Variants in ADAMTS2 observed in about 807,000 individuals in gnomAD.
ADAMTS2 encodes ADAM metallopeptidase with thrombospondin type 1 motif 2, also known as A disintegrin and metalloproteinase with thrombospondin motifs 2.
In ADAMTS2, 50 loss-of-function variants were observed where a neutral mutation model predicts 123.0. The ratio of observed to expected loss-of-function variants is 0.41; its 90% CI spans 0.32 to 0.51. The LOEUF is 0.51. ADAMTS2 is among the 20% of genes least tolerant of loss of function. The pLI, the probability that ADAMTS2 is intolerant of heterozygous loss-of-function variation, is 0.35. For synonymous variants in ADAMTS2, 678 were observed against 695.4 expected (o/e 0.98, Z 0.39); for missense variants, 1,494 against 1,705.2 (o/e 0.88, Z 2.18).
intron 10 of ADAMTS2, among the ~76,000 whole-genome samples, chr5:179,143,887 G>C (rs1003307471): frequency 6.6e-6 from 1 of 152,018 alleles, no homozygotes; most frequent in Non-Finnish European, 1.5e-5. Context: ...AATAATAAAA[G>C]AAGGTACTTT....
In ADAMTS2 at chr5:179,189,139, C is replaced by T. The variant is rs565454405; in HGVS notation, c.892-7984G>A. Reference sequence around the variant, plus strand: ...CTATAAAATGGAGATAATAATAGTCCCTGTGTCTCAGGGTTGTTTCAGGTT... The same window carrying T: ...CTATAAAATGGAGATAATAATAGTCTCTGTGTCTCAGGGTTGTTTCAGGTT... On this transcript the variant is annotated intron_variant, in intron 4 of 21. Transcript: ENST00000251582. The surrounding 1 kb of genome is among the most constrained non-coding windows in gnomAD (Gnocchi z 4.2). 2.0e-5 allele frequency among the ~76,000 whole-genome samples: 3 copies of T among 152,200 alleles called. No homozygotes were observed. The East Asian group carries it at 5.8e-4, about 29-fold the overall frequency.
At chr5:179,259,161 C>T (rs1004161606) in intron 3 of ADAMTS2, among the ~76,000 whole-genome samples, 3 of 152,154 alleles carry the variant, frequency 2.0e-5, no homozygotes, top group African/African-American at 7.2e-5. Flanking sequence ...CACCCTGCCC[C>T]TCCTGCCACA....
At position 179,272,905 on chromosome 5, in the gene ADAMTS2, C is replaced by A. The variant is rs1251214280; in HGVS notation, c.688+6G>T. The A allele has an allele frequency of 6.2e-7, 1 of 1,608,190 alleles. No individual in the cohort carries two copies. On this transcript the variant is annotated splice_donor_region_variant and intron_variant, in intron 3 of 21. Coordinates refer to ENST00000251582, the MANE Select transcript of ADAMTS2 (RefSeq NM_014244.5). This position sits in a 1 kb window ranked among gnomAD's most constrained non-coding sequence, Gnocchi z 5.8. ...CACACAGCCTGCCCACCTGCAGTAG[C>A]CTCACCTGTGTCCAGGGCCTGTGGC...
intron 2 of ADAMTS2, among the ~76,000 whole-genome samples, chr5:179,329,936 C>A (rs1387258211): frequency 6.6e-6 from 1 of 151,660 alleles, no homozygotes; most frequent in East Asian, 1.9e-4. Context: ...ACCATCCTGG[C>A]TAACAAGGTG....
rs773172744 is a variant in ADAMTS2, at chr5:179,132,803, G to A, written c.2183C>T (p.Thr728Met). The stretch of plus-strand genomic sequence containing the variant: ...ATGCTTCTTGGGTGACCGTGTGAAC[G>A]TGCCCTTGACCACTTTGCAGTGGCT... ...DNSHCKVVKG[T>M]FTRSPKKHGY... The change falls in exon 14 of 22, where the codon ACG becomes ATG. Residue 728 changes from threonine (T) to methionine (M), a missense_variant. This residue lies in a region of ADAMTS2 where 953 missense variants were observed against 1,124.7 expected (regional missense o/e 0.85). Transcript: ENST00000251582. This position sits in a 1 kb window ranked among gnomAD's most constrained non-coding sequence, Gnocchi z 6.1. 35 of 1,613,970 alleles carry A rather than the reference G, an allele frequency of 2.2e-5. No homozygotes were observed. The highest frequency in any genetic ancestry group is 5.3e-5 in the African/African-American group (4 of 74,896).
chr5:179,190,001 CAG>C (rs763401600), intron 4 of ADAMTS2, among the ~76,000 whole-genome samples: 1 of 152,100 alleles, frequency 6.6e-6, no homozygotes, highest in Non-Finnish European at 1.5e-5. Flanking sequence ...GGGGCAGGAA[CAG>C]ATCACAATGG....
At chr5:179,340,392 G>C (rs965508434) in intron 2 of ADAMTS2, among the ~76,000 whole-genome samples, 7 of 152,188 alleles carry the variant, frequency 4.6e-5, no homozygotes, top group Non-Finnish European at 8.8e-5. Flanking sequence ...CGCAGGTCAC[G>C]AGCCAGTCAA....
Position 179,132,284 on chromosome 5 carries a change from C to T in ADAMTS2, c.2236G>A (p.Ala746Thr). The change falls in exon 15 of 22, where the codon GCA becomes ACA. Residue 746 changes from alanine (A) to threonine (T), a missense_variant. By Grantham distance (58) the Ala-to-Thr change is moderately conservative. Around this residue, in one of 6 missense-constraint regions of ADAMTS2, gnomAD observed 953 missense variants for 1,124.7 expected, o/e 0.85. Transcript: ENST00000251582. This position sits in a 1 kb window ranked among gnomAD's most constrained non-coding sequence, Gnocchi z 6.1. Reference protein sequence around the residue: ...HGYIKMFEIPAGARHLLIQEV... With the variant: ...HGYIKMFEIPTGARHLLIQEV... ...TGAATGAGCAGGTGTCTGGCTCCTG[C>T]AGGGATCTCAAACATCTTGATGTAA... 3 of 1,614,174 alleles carry T rather than the reference C, an allele frequency of 1.9e-6. No individual in the cohort carries two copies. The African/African-American group carries it at 4.0e-5, about 22-fold the overall frequency.
chr5:179,131,876 C>T lies in ADAMTS2; in HGVS notation c.2290+354G>A, dbSNP rs55648440. ...GGGAGGGCTGCCCAGGACCCTGCTGCCTGCAGACCCTGCCTGCCTTCCCGA... is the reference window on the plus strand; with the variant it reads ...GGGAGGGCTGCCCAGGACCCTGCTGTCTGCAGACCCTGCCTGCCTTCCCGA... On this transcript the variant is annotated intron_variant, in intron 15 of 21. Coordinates refer to ENST00000251582, the MANE Select transcript of ADAMTS2 (RefSeq NM_014244.5). Among the ~76,000 whole-genome samples, 526 of 152,294 alleles carry T rather than the reference C, an allele frequency of 3.5e-3. 2 individuals carry two copies. Among genetic ancestry groups the T allele is most frequent in the Middle Eastern group, 0.01 (3 of 292 alleles).
intron 2 of ADAMTS2, among the ~76,000 whole-genome samples, chr5:179,337,575 C>T (rs1757649688): frequency 6.6e-6 from 1 of 152,234 alleles, no homozygotes; most frequent in Non-Finnish European, 1.5e-5. Flanking sequence ...ACACAGGGAC[C>T]CCCAGGGCTG....
At chr5:179,207,471 A>ACCCAAC in intron 4 of ADAMTS2, 42 bp downstream of exon 4, 8 of 1,026,474 alleles carry the variant, frequency 7.8e-6, no homozygotes, top group Non-Finnish European at 1.2e-5. Context: ...CCCCTGGTTG[A>ACCCAAC]CCCTCCCCGC....
intron 13 of ADAMTS2, among the ~76,000 whole-genome samples, chr5:179,133,154 CGTCTGG>C: frequency 6.6e-6 from 1 of 152,184 alleles, no homozygotes; most frequent in East Asian, 1.9e-4. Flanking sequence ...TGGCAGTTTC[CGTCTGG>C]GCCCCTGTGC....
rs1001320670 is a variant in ADAMTS2 at position 179,312,712 on chromosome 5, C to T, written c.534+31055G>A. ...AGGATGTCGGCCCTGAAGCCCAGAG[C>T]GAAGAGGCCACAAGCCAAGCACTGC... On this transcript the variant is annotated intron_variant, in intron 2 of 21. Coordinates refer to ENST00000251582, the MANE Select transcript of ADAMTS2 (RefSeq NM_014244.5). The surrounding 1 kb of genome is among the most constrained non-coding windows in gnomAD (Gnocchi z 4.2). 6.6e-6 allele frequency among the ~76,000 whole-genome samples: 1 copy of T among 152,184 alleles called. No individual in the cohort carries two copies. The highest frequency in any genetic ancestry group is 1.5e-5 in the Non-Finnish European group (1 of 68,022).
chr5:179,219,498 G>A (rs1034913498), intron 3 of ADAMTS2, among the ~76,000 whole-genome samples: 2 of 152,220 alleles, frequency 1.3e-5, no homozygotes, highest in Non-Finnish European at 2.9e-5. Flanking sequence ...CTTCTGCCCT[G>A]TGCCTGCACC....
chr5:179,294,303 A>C (rs1756272234), intron 2 of ADAMTS2, among the ~76,000 whole-genome samples: 1 of 152,256 alleles, frequency 6.6e-6, no homozygotes, highest in South Asian at 2.1e-4. Flanking sequence ...TGATGAAGGC[A>C]CGCAGCCTAC....
chr5:179,253,986 C>T (rs1345419796), intron 3 of ADAMTS2, among the ~76,000 whole-genome samples: 5 of 152,204 alleles, frequency 3.3e-5, no homozygotes. Flanking sequence ...GGAGCCCCCT[C>T]TAATATATGC....
Position 179,122,702 on chromosome 5 carries a change from G to T in ADAMTS2, c.3030C>A (p.Gly1010=). 6.4e-7 allele frequency: 1 copy of T among 1,551,772 alleles called. No homozygotes were observed. Among genetic ancestry groups the T allele is most frequent in the Non-Finnish European group, 8.7e-7 (1 of 1,147,618 alleles). The stretch of plus-strand genomic sequence containing the variant: ...TCTCAGGACGCTCCTCCTGGCAGAT[G>T]CCGAAGCTGTCGTCCGCGGTGCGGC... ...VLCRTADDSF[G]ICQEERPETA... The change falls in exon 20 of 22, where the codon GGC becomes GGA. Residue 1010 remains glycine (G), a synonymous_variant. Transcript: ENST00000251582.
chr5:179,241,002 C>T (rs1765655916), intron 3 of ADAMTS2, among the ~76,000 whole-genome samples: 1 of 152,224 alleles, frequency 6.6e-6, no homozygotes, highest in Non-Finnish European at 1.5e-5. Context: ...GAGGAGGAAA[C>T]TCAAATCTCA....
intron 10 of ADAMTS2, among the ~76,000 whole-genome samples, chr5:179,145,737 T>TA (rs1763239660): frequency 6.6e-6 from 1 of 152,218 alleles, no homozygotes; most frequent in African/African-American, 2.4e-5. Flanking sequence ...TTGAGGTGAC[T>TA]ACTAAAGGGT....
Sources: allele counts gnomAD v4.1 joint callset (sites outside exome capture counted in the v4.1 genomes callset), GRCh38; gene constraint gnomAD v4.1.1; regional missense constraint gnomAD v4.1.1; non-coding constraint Gnocchi (gnomAD v3.1); transcripts MANE v1.5; gene names NCBI Gene and HGNC (gene_info 2026-07-23, HGNC 2026-07-21).